DCC: variants seen among roughly 807,000 people sequenced by gnomAD.
DCC encodes the protein netrin receptor DCC.
Under a neutral mutation model 172.5 loss-of-function variants are expected in DCC, and 58 were observed. The observed-to-expected ratio is 0.34, with a 90% CI of 0.27 to 0.42. DCC has a LOEUF of 0.42. Ranked by LOEUF, DCC falls within the 10% of genes least tolerant of loss-of-function variation. The pLI is 1.00. For missense variants in DCC, 1,740 were observed against 1,791.0 expected, an observed-to-expected ratio of 0.97 and a Z score of 0.51; for synonymous variants, 709 against 644.5, an observed-to-expected ratio of 1.10 and a Z score of -1.52.
chr18:52,962,240 A>T lies in DCC; in HGVS notation c.985+36870A>T, dbSNP rs571186423. Among the ~76,000 whole-genome samples the T allele has an allele frequency of 1.5e-3, 234 of 152,186 alleles. 1 individual carries two copies. The highest frequency in any genetic ancestry group is 5.3e-3 in the African/African-American group (222 of 41,514). On this transcript the variant is annotated intron_variant, in intron 5 of 28. Transcript: ENST00000442544. ...AAAGGGCTAGTATCCAGAATCTACA[A>T]TGAACTCAAACAAATTTACAAGAAA...
intron 27 of DCC, among the ~76,000 whole-genome samples, chr18:53,524,771 A>G (rs1598848919): frequency 6.6e-6 from 1 of 152,016 alleles, no homozygotes; most frequent in Admixed American, 6.6e-5. Context: ...CTAGGTCAAC[A>G]AGCTAGTGAT....
At chr18:53,180,516 T>A (rs985144730) in intron 9 of DCC, among the ~76,000 whole-genome samples, 14 of 151,780 alleles carry the variant, frequency 9.2e-5, no homozygotes, top group Admixed American at 2.0e-4. Flanking sequence ...AGAACGTGAG[T>A]CCTTGCACAA....
intron 15 of DCC, among the ~76,000 whole-genome samples, chr18:53,358,724 G>A (rs568694021): frequency 1.3e-5 from 2 of 151,818 alleles, no homozygotes; most frequent in Non-Finnish European, 2.9e-5. Context: ...GTTTCACCAT[G>A]TTGGCCAGGC....
chr18:53,406,955 T>C (rs2145046997), intron 19 of DCC, among the ~76,000 whole-genome samples: 1 of 152,252 alleles, frequency 6.6e-6, no homozygotes, highest in East Asian at 1.9e-4. Flanking sequence ...TCTTAAATTT[T>C]AAGAAAAGGG....
intron 7 of DCC, among the ~76,000 whole-genome samples, chr18:53,094,479 G>A (rs1457374796): frequency 6.6e-6 from 1 of 152,044 alleles, no homozygotes. Flanking sequence ...GTTTCATATT[G>A]TTTTTTGACA....
chr18:53,211,694 A>C (rs2055755460), intron 11 of DCC, among the ~76,000 whole-genome samples: 1 of 152,122 alleles, frequency 6.6e-6, no homozygotes, highest in Admixed American at 6.5e-5. Flanking sequence ...TCTGCACTGC[A>C]GCCTGGGTGA....
chr18:53,166,816 G>T (rs544205072), intron 8 of DCC, among the ~76,000 whole-genome samples: 48 of 152,196 alleles, frequency 3.2e-4, no homozygotes, highest in African/African-American at 7.2e-4. Context: ...CTTTTATCTG[G>T]CAGTGAAACA....
intron 12 of DCC, among the ~76,000 whole-genome samples, chr18:53,216,094 G>A (rs1205640971): frequency 2.6e-5 from 4 of 152,136 alleles, no homozygotes; most frequent in African/African-American, 4.8e-5. Flanking sequence ...TTTATGTAGC[G>A]ATGTTACCTA....
At chr18:53,246,480 C>T (rs569326590) in intron 12 of DCC, among the ~76,000 whole-genome samples, 1 of 151,290 alleles carries the variant, frequency 6.6e-6, no homozygotes. Flanking sequence ...TATCTCAGCT[C>T]ATATTTCTTT....
chr18:52,542,222 T>G (rs190483117), intron 1 of DCC, among the ~76,000 whole-genome samples: 2 of 151,508 alleles, frequency 1.3e-5, no homozygotes, highest in African/African-American at 4.9e-5. Context: ...ATTTGAAAAA[T>G]TTTTCTAAAT....
intron 2 of DCC, among the ~76,000 whole-genome samples, chr18:52,825,981 A>C (rs1193605411): frequency 6.6e-6 from 1 of 152,234 alleles, no homozygotes; most frequent in African/African-American, 2.4e-5. Flanking sequence ...TAAGCCAAAA[A>C]GAAGTTTCAA....
chr18:53,281,904 C>T lies in DCC; in HGVS notation c.1912-23674C>T, dbSNP rs531422995. 2.9e-4 allele frequency among the ~76,000 whole-genome samples: 44 copies of T among 151,922 alleles called. 2 individuals carry two copies. In the South Asian group the frequency reaches 9.1e-3, roughly 32 times the overall value. On this transcript the variant is annotated intron_variant, in intron 12 of 28. Transcript: ENST00000442544. ...AGATAGAATTATAAAATCTTATACA[C>T]AGCTACGCTGGGGTAGGATAAAGTG...
chr18:53,236,137 T>G (rs1568383250), intron 12 of DCC, among the ~76,000 whole-genome samples: 1 of 152,114 alleles, frequency 6.6e-6, no homozygotes, highest in Non-Finnish European at 1.5e-5. Context: ...TAGATGTATG[T>G]CTTACTTAAT....
At chr18:53,130,449 G>A (rs2043634414) in intron 7 of DCC, among the ~76,000 whole-genome samples, 1 of 152,010 alleles carries the variant, frequency 6.6e-6, no homozygotes, top group African/African-American at 2.4e-5. Context: ...CTTTTTGTTT[G>A]CCGTCTCAAA....
intron 14 of DCC, among the ~76,000 whole-genome samples, chr18:53,325,293 C>T (rs920026574): frequency 1.3e-5 from 2 of 151,462 alleles, no homozygotes; most frequent in African/African-American, 4.9e-5. Context: ...ACTTGATGAC[C>T]ATAAACACAG....
chr18:52,382,832 G>C (rs970045622), intron 1 of DCC, among the ~76,000 whole-genome samples: 1 of 151,998 alleles, frequency 6.6e-6, no homozygotes, highest in African/African-American at 2.4e-5. Context: ...TAATACTCAG[G>C]TGCCTGTGTA....
intron 1 of DCC, among the ~76,000 whole-genome samples, chr18:52,461,583 A>G (rs775591083): frequency 3.3e-5 from 5 of 152,190 alleles, no homozygotes; most frequent in African/African-American, 4.8e-5. Flanking sequence ...TGAGTAATAC[A>G]TTGTGCTATG....
intron 12 of DCC, among the ~76,000 whole-genome samples, chr18:53,291,983 C>T (rs747128253): frequency 1.3e-5 from 2 of 152,088 alleles, no homozygotes; most frequent in Non-Finnish European, 2.9e-5. Context: ...AGCCTGGCTA[C>T]TAGGCTATGC....
At chr18:52,477,254 T>C (rs1436062281) in intron 1 of DCC, among the ~76,000 whole-genome samples, 1 of 152,084 alleles carries the variant, frequency 6.6e-6, no homozygotes, top group African/African-American at 2.4e-5. Context: ...TGCGAAGAGA[T>C]TGGATTCTGA....
Sources: gnomAD v4.1 joint callset for allele counts (sites outside exome capture counted in the v4.1 genomes callset) on GRCh38, gnomAD v4.1.1 for gene constraint, MANE v1.5 for transcripts, NCBI Gene and HGNC (gene_info 2026-07-23, HGNC 2026-07-21) for gene names.